NAV2: variants seen among roughly 807,000 people sequenced by gnomAD.
NAV2 encodes helicase, APC down-regulated 1.
A neutral mutation model predicts 223.2 loss-of-function variants in NAV2; 54 were observed. That is an observed-to-expected ratio of 0.24 (90% CI 0.19 to 0.30). The LOEUF (loss-of-function observed/expected upper bound fraction) is 0.30. Ranked by LOEUF, NAV2 falls within the 10% of genes least tolerant of loss-of-function variation. NAV2 has a pLI of 1.00. For synonymous variants in NAV2, 1,279 were observed against 1,239.3 expected (o/e 1.03, Z -0.67); for missense variants, 2,806 against 3,147.5 (o/e 0.89, Z 2.60).
intron 1 of NAV2, among the ~76,000 whole-genome samples, chr11:19,453,553 C>A (rs1470482789): frequency 6.6e-6 from 1 of 152,152 alleles, no homozygotes; most frequent in Admixed American, 6.5e-5. Flanking sequence ...CTTCTGGAGC[C>A]CCCATGGGCT....
Position 20,114,792 on chromosome 11 carries a change from G to C in NAV2, c.7161G>C (p.Pro2387=). ...QMPPSDAEGD[P]LMNMLMRLQE... is the part of the protein sequence containing the mutation. ...CCCCCAGTGATGCTGAAGGTGACCC[G>C]CTGGTGAGTCCTCAGCCACCAGAGC... The change falls in exon 37 of 38, where the codon CCG becomes CCC. Residue 2387 remains proline, a synonymous_variant. Transcript: ENST00000349880. 1.2e-6 allele frequency: 2 copies of C among 1,612,422 alleles called. No homozygotes were observed. Among genetic ancestry groups the C allele is most frequent in the Non-Finnish European group, 1.7e-6 (2 of 1,179,372 alleles).
intron 1 of NAV2, among the ~76,000 whole-genome samples, chr11:19,515,218 T>G (rs1435130889): frequency 6.6e-6 from 1 of 152,222 alleles, no homozygotes; most frequent in South Asian, 2.1e-4. Flanking sequence ...CATAGCACAA[T>G]GTCTGGTACA....
Position 19,912,322 on chromosome 11 carries a change from T to G in NAV2, c.931+19728T>G, listed in dbSNP as rs372519926. ...GTTTCTATATCTCTTGCAAAAGTCCTCTTTGCTTTCAAACACCCACAGCTT... is the reference window on the plus strand; with the variant it reads ...GTTTCTATATCTCTTGCAAAAGTCCGCTTTGCTTTCAAACACCCACAGCTT... On this transcript the variant is annotated intron_variant, in intron 6 of 37. Coordinates refer to ENST00000349880, the MANE Select transcript of NAV2 (RefSeq NM_145117.5). Among the ~76,000 whole-genome samples, 99 of 152,370 alleles carry G rather than the reference T, an allele frequency of 6.5e-4. 1 individual carries two copies. The South Asian group carries it at 0.019, about 30-fold the overall frequency.
intron 1 of NAV2, among the ~76,000 whole-genome samples, chr11:19,804,495 C>G (rs962932251): frequency 6.6e-6 from 1 of 152,144 alleles, no homozygotes; most frequent in South Asian, 2.1e-4. Context: ...TGTGGATGGT[C>G]TTGTGGGAGG....
intron 1 of NAV2, among the ~76,000 whole-genome samples, chr11:19,683,834 T>C (rs2048941466): frequency 6.6e-6 from 1 of 152,242 alleles, no homozygotes; most frequent in African/African-American, 2.4e-5. Flanking sequence ...GGGAGAAAAC[T>C]CAGGATATTA....
intron 1 of NAV2, among the ~76,000 whole-genome samples, chr11:19,793,208 A>C (rs1477736007): frequency 4.1e-5 from 5 of 123,086 alleles, no homozygotes; most frequent in Admixed American, 8.8e-5. Context: ...CTCTGTCTCA[A>C]AAAAAAAAAA....
At chr11:19,450,308 AG>A (rs1380991639) in intron 1 of NAV2, among the ~76,000 whole-genome samples, 1 of 152,206 alleles carries the variant, frequency 6.6e-6, no homozygotes, top group Non-Finnish European at 1.5e-5. Context: ...TCAGACCTGC[AG>A]GGCCACCTAT....
intron 3 of NAV2, among the ~76,000 whole-genome samples, chr11:19,854,527 C>T (rs927723621): frequency 6.6e-6 from 1 of 152,088 alleles, no homozygotes; most frequent in Non-Finnish European, 1.5e-5. Flanking sequence ...AGGAGCTGCC[C>T]CCTTTGGGTG....
chr11:19,855,918 C>T (rs778599862), intron 3 of NAV2, among the ~76,000 whole-genome samples: 1 of 152,208 alleles, frequency 6.6e-6, no homozygotes, highest in Non-Finnish European at 1.5e-5. Context: ...TCATTGGTTG[C>T]CTCCTTTTAT....
chr11:19,673,679 C>T (rs1390369540), intron 1 of NAV2, among the ~76,000 whole-genome samples: 1 of 152,146 alleles, frequency 6.6e-6, no homozygotes, highest in African/African-American at 2.4e-5. Context: ...ATTTTGTGTG[C>T]CTTGTCTTCT....
intron 1 of NAV2, among the ~76,000 whole-genome samples, chr11:19,442,041 G>C (rs1235111822): frequency 6.6e-6 from 1 of 152,252 alleles, no homozygotes; most frequent in East Asian, 1.9e-4. Context: ...TGGCTTGGCA[G>C]GCGGGGCAGG....
intron 1 of NAV2, among the ~76,000 whole-genome samples, chr11:19,581,269 G>A (rs978763067): frequency 3.7e-4 from 56 of 152,148 alleles, no homozygotes; most frequent in African/African-American, 1.3e-3. Context: ...TTTTAATGGC[G>A]TTGACTTATC....
At position 19,963,890 on chromosome 11, in the gene NAV2, C is replaced by T. The variant is rs1262807029; in HGVS notation, c.2645+14810C>T. Among the ~76,000 whole-genome samples the T allele has an allele frequency of 5.3e-5, 8 of 152,276 alleles. No individual in the cohort carries two copies. In the East Asian group the frequency reaches 1.4e-3, roughly 26 times the overall value. On this transcript the variant is annotated intron_variant, in intron 10 of 37. Coordinates refer to ENST00000349880, the MANE Select transcript of NAV2 (RefSeq NM_145117.5). ...AGTGATTTACCGAAGCGCCTTACCG[C>T]GATGTGGCTTCCTGTTGTTAAATCT...
At chr11:19,698,585 G>C (rs1272009901) in intron 1 of NAV2, among the ~76,000 whole-genome samples, 1 of 152,230 alleles carries the variant, frequency 6.6e-6, no homozygotes, top group East Asian at 1.9e-4. Context: ...TTCAGCTCCA[G>C]CTTGGCCACG....
intron 26 of NAV2, among the ~76,000 whole-genome samples, chr11:20,085,615 C>T (rs1002035578): frequency 1.3e-5 from 2 of 152,202 alleles, no homozygotes; most frequent in African/African-American, 2.4e-5. Context: ...CTCAGCCCAA[C>T]GCTCAGCAGC....
intron 11 of NAV2, among the ~76,000 whole-genome samples, chr11:20,006,609 A>G (rs564376299): frequency 1.3e-5 from 2 of 152,112 alleles, no homozygotes; most frequent in South Asian, 4.2e-4. Flanking sequence ...CGGGAGGCGG[A>G]GGTTGCAGTG....
chr11:19,737,463 A>T (rs770374930), intron 1 of NAV2, among the ~76,000 whole-genome samples: 31 of 152,164 alleles, frequency 2.0e-4, no homozygotes, highest in Non-Finnish European at 3.7e-4. Context: ...GGGGAAGAGG[A>T]GATGGGGAAA....
chr11:19,493,640 T>C (rs952456505), intron 1 of NAV2, among the ~76,000 whole-genome samples: 69 of 152,298 alleles, frequency 4.5e-4, no homozygotes, highest in African/African-American at 1.2e-3. Context: ...CGAAGTCCCC[T>C]GGGACTGCCA....
chr11:19,945,274 C>T (rs1172654911), intron 8 of NAV2, among the ~76,000 whole-genome samples: 1 of 145,508 alleles, frequency 6.9e-6, no homozygotes, highest in Admixed American at 7.1e-5. Context: ...TTCTTGCTTG[C>T]TTTCTTGCCT....
Sources: gnomAD v4.1 joint callset for allele counts (sites outside exome capture counted in the v4.1 genomes callset) on GRCh38, gnomAD v4.1.1 for gene constraint, MANE v1.5 for transcripts, NCBI Gene and HGNC (gene_info 2026-07-23, HGNC 2026-07-21) for gene names.